MIA2: variants seen among roughly 807,000 people sequenced by gnomAD.
The protein encoded by MIA2 is MIA SH3 domain ER export factor 2.
In MIA2, 127 loss-of-function variants were observed where a neutral mutation model predicts 167.8. That is an observed-to-expected ratio of 0.76 (90% CI 0.66 to 0.88). The LOEUF (loss-of-function observed/expected upper bound fraction) is 0.88, where lower values mean the gene tolerates loss of function less well. MIA2 is among the 40% of genes least tolerant of loss of function. The probability of loss-of-function intolerance (pLI) is 0.00; values close to 1 mark genes in which losing one functional copy is unlikely to be tolerated. For synonymous variants in MIA2, 552 were observed against 541.9 expected (o/e 1.02, Z -0.26); for missense variants, 1,690 against 1,624.7 (o/e 1.04, Z -0.69).
At chr14:39,354,031 G>A (rs540750107), downstream of MIA2, among the ~76,000 whole-genome samples, 24 of 152,306 alleles carry the variant, frequency 1.6e-4, no homozygotes, top group African/African-American at 5.1e-4. Context: ...ACATACATGC[G>A]CATGTGCCTT....
At chr14:39,307,548 C>T (rs1011620789) in intron 17 of MIA2, among the ~76,000 whole-genome samples, 9 of 151,598 alleles carry the variant, frequency 5.9e-5, no homozygotes, top group South Asian at 2.1e-4. Flanking sequence ...ATTGCAGGCA[C>T]GCCCCAGCAC....
At chr14:39,387,082 A>G (rs1210270510) in exon 24 of MIA2, 1 of 629,204 alleles carries the variant, frequency 1.6e-6, no homozygotes, top group Non-Finnish European at 2.8e-6. Context: ...GCCTTGGCCT[A>G]ACTGTCTCGG....
At chr14:39,382,051 GAAA>G (rs570036111) in intron 23 of MIA2, among the ~76,000 whole-genome samples, 1 of 152,088 alleles carries the variant, frequency 6.6e-6, no homozygotes, top group East Asian at 1.9e-4. Context: ...CTAGAAGCAG[GAAA>G]AAAACTCAAA....
At chr14:39,335,310 T>C (rs2070100869) in intron 25 of MIA2, among the ~76,000 whole-genome samples, 1 of 152,216 alleles carries the variant, frequency 6.6e-6, no homozygotes, top group African/African-American at 2.4e-5. Context: ...AGAATATGGA[T>C]TCTGCATTTG....
At chr14:39,374,242 C>T (rs1257640770) in intron 23 of MIA2, among the ~76,000 whole-genome samples, 3 of 152,184 alleles carry the variant, frequency 2.0e-5, no homozygotes, top group East Asian at 1.9e-4. Flanking sequence ...ATTGCAGAAG[C>T]ACTTTGAGTC....
In MIA2 at chr14:39,253,181, C is replaced by T. The variant is rs1180854785; in HGVS notation, c.1887+10C>T. On this transcript the variant is annotated intron_variant, in intron 6 of 28. Coordinates refer to ENST00000640607, the MANE Select transcript of MIA2 (RefSeq NM_001329214.4). The stretch of plus-strand genomic sequence containing the variant: ...AATTCTTACAGAAAGGGTAAGTTTG[C>T]CTTTTAAACCTTTTGCAATAATTTT... 6.2e-7 allele frequency: 1 copy of T among 1,606,294 alleles called. No individual in the cohort carries two copies. The highest frequency in any genetic ancestry group is 8.5e-7 in the Non-Finnish European group (1 of 1,176,072).
chr14:39,382,953 G>GTTTTT lies in MIA2; in HGVS notation c.2249-3913_2249-3909dup, dbSNP rs10689511. Among the ~76,000 whole-genome samples the GTTTTT allele has an allele frequency of 4.9e-4, 37 of 74,988 alleles. 1 individual carries two copies. The highest frequency in any genetic ancestry group is 5.5e-4 in the Non-Finnish European group (22 of 39,666). The allele number at this position is 74,988 out of a possible 152,430, so 49.2% of individuals were successfully genotyped here. A position where few individuals can be genotyped will look rare whatever the true frequency, so the allele number is the denominator to read the frequency against. On this transcript the variant is annotated intron_variant, in intron 23 of 23. Transcript: ENST00000341502. ...TAGACATATATCTGCTATGGCCACA[G>GTTTTT]TTTTTTTTTTTTTTTTTTTTTTTGG...
At chr14:39,285,050 A>G (rs1838513774) in intron 9 of MIA2, among the ~76,000 whole-genome samples, 1 of 152,230 alleles carries the variant, frequency 6.6e-6, no homozygotes, top group Non-Finnish European at 1.5e-5. Context: ...CACATGTTTC[A>G]GAGAGCACAG....
chr14:39,240,713 G>A (rs944817317), intron 3 of MIA2, 66 bp downstream of exon 3: 3 of 1,118,536 alleles, frequency 2.7e-6, no homozygotes, highest in African/African-American at 3.1e-5. Context: ...GTTTTCCCAG[G>A]TATCAGTGCC....
chr14:39,385,835 G>A, intron 23 of MIA2: 1 of 963,694 alleles, frequency 1.0e-6, no homozygotes, highest in Non-Finnish European at 1.7e-6. Flanking sequence ...GAAACAGGAT[G>A]CCCTTGTCCT....
chr14:39,377,635 C>A (rs1287881248), intron 23 of MIA2, among the ~76,000 whole-genome samples: 2 of 152,024 alleles, frequency 1.3e-5, no homozygotes, highest in African/African-American at 4.8e-5. Context: ...CTCCAATAAC[C>A]CAATTTTACT....
At position 39,315,693 on chromosome 14, in the gene MIA2, A is replaced by G. The variant is rs1158407109; in HGVS notation, c.3191A>G (p.His1064Arg). 3 of 1,555,338 alleles carry G rather than the reference A, an allele frequency of 1.9e-6. No individual in the cohort carries two copies. Among genetic ancestry groups the G allele is most frequent in the African/African-American group, 2.7e-5 (2 of 73,118 alleles). The change falls in exon 21 of 29, where the codon CAT becomes CGT. Residue 1064 changes from histidine (H) to arginine (R), a missense_variant. His to Arg is a conservative substitution (Grantham distance 29). Transcript: ENST00000640607. ...IHSYQGQIISHEKKAHDNWLA... is the reference protein window; with the variant it reads ...IHSYQGQIISREKKAHDNWLA... ...TACTTTCTTTTTCAGATTATTTCCC[A>G]TGAGAAAAAAGCACATGATAATTGG...
At chr14:39,303,432 G>A in intron 15 of MIA2, 46 bp from the exon 16 acceptor site, 1 of 1,431,660 alleles carries the variant, frequency 7.0e-7, no homozygotes, top group Non-Finnish European at 9.8e-7. Context: ...TTGTCGTATT[G>A]TACTATTTTC....
intron 23 of MIA2, among the ~76,000 whole-genome samples, chr14:39,377,452 G>GAAGGAAAAGAAAT (rs1406576519): frequency 6.6e-6 from 1 of 152,134 alleles, no homozygotes; most frequent in South Asian, 2.1e-4. Context: ...TGGAAAAAAA[G>GAAGGAAAAGAAAT]AAGGAAAAGA....
chr14:39,359,153 G>A (rs1032107535), intron 23 of MIA2, among the ~76,000 whole-genome samples: 1 of 152,194 alleles, frequency 6.6e-6, no homozygotes, highest in Non-Finnish European at 1.5e-5. Flanking sequence ...CCCAGAGGTG[G>A]AGTCTACAGA....
rs2054387365 is a variant in MIA2, at chr14:39,248,000, G to T, written c.1426G>T (p.Glu476Ter). Residue 476 changes from glutamate to a stop codon, truncating the protein, a stop_gained, in exon 4 of 29, where the codon GAA becomes TAA. Coordinates refer to ENST00000640607, the MANE Select transcript of MIA2 (RefSeq NM_001329214.4). LOFTEE classifies it high-confidence loss of function. ...TTGGAACTTCCAGAACATTCCAAAG[G>T]AAACAGAATTGCCATTTCCCAAACA... ...NPWNFQNIPKETELPFPKQIL... is the reference protein window; with the variant it reads ...NPWNFQNIPK 2 of 1,578,014 alleles carry T rather than the reference G, an allele frequency of 1.3e-6. No individual in the cohort carries two copies. The highest frequency in any genetic ancestry group is 4.2e-5 in the Admixed American group (2 of 47,988).
At chr14:39,280,248 C>T (rs1485150178) in intron 9 of MIA2, among the ~76,000 whole-genome samples, 1 of 151,534 alleles carries the variant, frequency 6.6e-6, no homozygotes, top group African/African-American at 2.4e-5. Context: ...TTTTTATAGC[C>T]TGTAGTTTTA....
At chr14:39,300,703 A>G (rs1272383271) in intron 14 of MIA2, among the ~76,000 whole-genome samples, 1 of 150,192 alleles carries the variant, frequency 6.7e-6, no homozygotes, top group Non-Finnish European at 1.5e-5. Flanking sequence ...GCATTAGGAG[A>G]TATACCTAAT....
intron 2 of MIA2, among the ~76,000 whole-genome samples, chr14:39,237,963 C>T (rs1367290447): frequency 6.6e-6 from 1 of 152,124 alleles, no homozygotes; most frequent in East Asian, 1.9e-4. Flanking sequence ...TGGTCTCAAA[C>T]TCCTGACCTC....
Sources: allele counts gnomAD v4.1 joint callset (sites outside exome capture counted in the v4.1 genomes callset), GRCh38; gene constraint gnomAD v4.1.1; transcripts MANE v1.5; gene names NCBI Gene and HGNC (gene_info 2026-07-23, HGNC 2026-07-21).